Variants in ZNF385B observed in about 807,000 individuals in gnomAD.
ZNF385B encodes zinc finger protein 385B.
A neutral mutation model predicts 39.2 loss-of-function variants in ZNF385B; 23 were observed. The observed-to-expected ratio is 0.59, with a 90% CI of 0.42 to 0.83. The LOEUF (loss-of-function observed/expected upper bound fraction) is 0.83. Among genes scored for constraint, ZNF385B ranks in the 40% least tolerant of loss-of-function variants. The pLI is 0.00. For missense variants in ZNF385B, 552 were observed against 598.9 expected (o/e 0.92, Z 0.82); for synonymous variants, 205 against 222.6 (o/e 0.92, Z 0.70).
chr2:179,513,874 T>C (rs1302063406), intron 5 of ZNF385B, among the ~76,000 whole-genome samples: 1 of 152,186 alleles, frequency 6.6e-6, no homozygotes, highest in Non-Finnish European at 1.5e-5. Context: ...GCTGTGGATT[T>C]AGAGGCAAGA....
intron 5 of ZNF385B, among the ~76,000 whole-genome samples, chr2:179,484,586 AGT>A (rs10550676): frequency 0.27 from 40,173 of 151,430 alleles, 5,466 homozygotes; most frequent in East Asian, 0.38. Flanking sequence ...ACAGGTGATA[AGT>A]GTGTGTGTAG....
rs555893705 is a variant in ZNF385B at position 179,708,041 on chromosome 2, A to G, written c.298+61462T>C. 1.8e-4 allele frequency among the ~76,000 whole-genome samples: 28 copies of G among 152,320 alleles called. No individual in the cohort carries two copies. In the East Asian group the frequency reaches 5.4e-3, roughly 29 times the overall value. On this transcript the variant is annotated intron_variant, in intron 3 of 9. Coordinates refer to ENST00000410066, the MANE Select transcript of ZNF385B (RefSeq NM_152520.6). Reference sequence around the variant, plus strand: ...CCAGGGTGTCCAGGGGTCAGAGGCCACAGGTGGAACTAGCTACATATTGGT... The same window carrying G: ...CCAGGGTGTCCAGGGGTCAGAGGCCGCAGGTGGAACTAGCTACATATTGGT...
At chr2:179,728,092 T>G (rs1216489899) in intron 3 of ZNF385B, among the ~76,000 whole-genome samples, 1 of 152,114 alleles carries the variant, frequency 6.6e-6, no homozygotes, top group Non-Finnish European at 1.5e-5. Flanking sequence ...CAGATTTGAC[T>G]CTTTCAGACA....
At chr2:179,677,961 T>C (rs1272839432) in intron 3 of ZNF385B, among the ~76,000 whole-genome samples, 1 of 152,168 alleles carries the variant, frequency 6.6e-6, no homozygotes, top group Non-Finnish European at 1.5e-5. Flanking sequence ...CACAGAAGAA[T>C]GAACCTAGAG....
At chr2:179,472,605 T>G (rs2052899147) in intron 6 of ZNF385B, among the ~76,000 whole-genome samples, 1 of 152,328 alleles carries the variant, frequency 6.6e-6, no homozygotes, top group African/African-American at 2.4e-5. Flanking sequence ...AAGTAATTAA[T>G]AGCCGACAAG....
At chr2:179,773,420 A>C (rs1704127167) in intron 1 of ZNF385B, among the ~76,000 whole-genome samples, 1 of 152,134 alleles carries the variant, frequency 6.6e-6, no homozygotes, top group Non-Finnish European at 1.5e-5. Context: ...TGTCTTTGCA[A>C]AGTCACTATA....
chr2:179,816,554 T>G (rs970738762), intron 1 of ZNF385B, among the ~76,000 whole-genome samples: 3 of 152,192 alleles, frequency 2.0e-5, no homozygotes, highest in African/African-American at 7.2e-5. Flanking sequence ...TTAGGCTTCC[T>G]GGGAAGAGGG....
chr2:179,681,231 T>A (rs190038849), intron 3 of ZNF385B, among the ~76,000 whole-genome samples: 1 of 152,286 alleles, frequency 6.6e-6, no homozygotes, highest in Non-Finnish European at 1.5e-5. Flanking sequence ...CATTTATTTT[T>A]ATTTTTTTCA....
chr2:179,691,236 T>C (rs12622727), intron 3 of ZNF385B, among the ~76,000 whole-genome samples: 3 of 152,132 alleles, frequency 2.0e-5, no homozygotes, highest in African/African-American at 4.8e-5. Context: ...TCAAACCCTA[T>C]GAAAACGAAC....
chr2:179,761,675 C>T (rs1436296324), intron 3 of ZNF385B, among the ~76,000 whole-genome samples: 2 of 151,576 alleles, frequency 1.3e-5, no homozygotes, highest in African/African-American at 2.4e-5. Flanking sequence ...ACCTCTTGAG[C>T]CCAAGCAATC....
chr2:179,659,688 T>A (rs1266720953), intron 3 of ZNF385B, among the ~76,000 whole-genome samples: 2 of 152,174 alleles, frequency 1.3e-5, no homozygotes, highest in African/African-American at 4.8e-5. Context: ...CCAGTCCTTT[T>A]TAGAATACGT....
chr2:179,480,737 T>A (rs1011755666), intron 6 of ZNF385B, among the ~76,000 whole-genome samples: 1 of 152,022 alleles, frequency 6.6e-6, no homozygotes, highest in Non-Finnish European at 1.5e-5. Flanking sequence ...GACTTTGGTG[T>A]AGCTTTTATA....
chr2:179,459,830 G>A (rs905587158), intron 6 of ZNF385B, among the ~76,000 whole-genome samples: 30 of 151,390 alleles, frequency 2.0e-4, no homozygotes, highest in African/African-American at 3.4e-4. Context: ...GCGGCCAGGC[G>A]TGGTGGCTCA....
At chr2:179,444,802 C>T in intron 9 of ZNF385B, 74 bp downstream of exon 9, 1 of 1,252,642 alleles carries the variant, frequency 8.0e-7, no homozygotes, top group South Asian at 1.2e-5. Flanking sequence ...ACTCTATGCC[C>T]TCCTTGCCCA....
At chr2:179,683,490 T>C (rs549897544) in intron 3 of ZNF385B, among the ~76,000 whole-genome samples, 2 of 152,110 alleles carry the variant, frequency 1.3e-5, no homozygotes, top group African/African-American at 4.8e-5. Flanking sequence ...TTTTTTTTTT[T>C]TTTAGATGGC....
chr2:179,464,494 A>T (rs2051751339), intron 6 of ZNF385B, among the ~76,000 whole-genome samples: 1 of 152,162 alleles, frequency 6.6e-6, no homozygotes, highest in Admixed American at 6.6e-5. Flanking sequence ...CTTATGTTTA[A>T]GTCTTTGATC....
intron 7 of ZNF385B, 122 bp from the exon 8 acceptor site, chr2:179,445,850 AC>A: frequency 1.1e-6 from 1 of 898,270 alleles, no homozygotes; most frequent in South Asian, 2.5e-5. Flanking sequence ...AAAAATGATC[AC>A]TTTAATGCTG....
In ZNF385B at chr2:179,443,222, G is replaced by A; in HGVS notation, c.*28C>T. 1 of 1,610,374 alleles carries A rather than the reference G, an allele frequency of 6.2e-7. No homozygotes were observed. The highest frequency in any genetic ancestry group is 8.5e-7 in the Non-Finnish European group (1 of 1,178,522). ...GGCTTTCTTTCTCAACTTCCTACTGGCCTCAAACGTCTTGGGGTTTGCAGA... is the reference window on the plus strand; with the variant it reads ...GGCTTTCTTTCTCAACTTCCTACTGACCTCAAACGTCTTGGGGTTTGCAGA... On this transcript the variant is annotated 3_prime_UTR_variant, in exon 10 of 10. Coordinates refer to ENST00000410066, the MANE Select transcript of ZNF385B (RefSeq NM_152520.6).
At position 179,656,493 on chromosome 2, in the gene ZNF385B, C is replaced by T. The variant is rs183106135; in HGVS notation, c.299-111524G>A. On this transcript the variant is annotated intron_variant, in intron 3 of 9. Coordinates refer to ENST00000410066, the MANE Select transcript of ZNF385B (RefSeq NM_152520.6). ...AAAACTAAAAAGGGTAATGGCACAG[C>T]AGCTAATCATATTTGATGTATTAAA... 2.2e-4 allele frequency among the ~76,000 whole-genome samples: 34 copies of T among 152,254 alleles called. No individual in the cohort carries two copies. In the East Asian group the frequency reaches 3.1e-3, roughly 14 times the overall value.
Sources: allele counts gnomAD v4.1 joint callset (sites outside exome capture counted in the v4.1 genomes callset), GRCh38; gene constraint gnomAD v4.1.1; transcripts MANE v1.5; gene names NCBI Gene and HGNC (gene_info 2026-07-23, HGNC 2026-07-21).